Variants in C12orf54 observed in about 807,000 individuals in gnomAD.
The protein encoded by C12orf54 is uncharacterized protein C12orf54.
In C12orf54, 24 loss-of-function variants were observed where a neutral mutation model predicts 26.4. The ratio of observed to expected loss-of-function variants is 0.91; its 90% CI spans 0.66 to 1.28. C12orf54 has a LOEUF of 1.28. C12orf54 is among the 50% of genes most tolerant of loss of function. C12orf54 has a pLI of 0.00. For synonymous variants in C12orf54, 54 were observed against 47.0 expected (o/e 1.15, Z -0.61); for missense variants, 154 against 150.9 (o/e 1.02, Z -0.11).
the C12orf54 span, among the ~76,000 whole-genome samples, chr12:48,463,612 A>T: frequency 1.4e-5 from 2 of 145,524 alleles, no homozygotes; most frequent in African/African-American, 2.5e-5. Context: ...GACACAGTAT[A>T]AAAAAAAAAA....
chr12:48,429,693 A>G, the C12orf54 span, among the ~76,000 whole-genome samples: 1 of 152,218 alleles, frequency 6.6e-6, no homozygotes, highest in Non-Finnish European at 1.5e-5. Flanking sequence ...AACACATCCC[A>G]TGCTCATGGA....
At chr12:48,471,360 G>T in the C12orf54 span, among the ~76,000 whole-genome samples, 1 of 152,160 alleles carries the variant, frequency 6.6e-6, no homozygotes, top group East Asian at 1.9e-4. Flanking sequence ...TGGACATTTA[G>T]GTTGCTTCCA....
chr12:48,418,730 G>A, the C12orf54 span, among the ~76,000 whole-genome samples: 1 of 152,130 alleles, frequency 6.6e-6, no homozygotes, highest in African/African-American at 2.4e-5. Flanking sequence ...AAGGAATTCA[G>A]TTGGTGTTAT....
intron 5 of C12orf54, 46 bp downstream of exon 5, chr12:48,489,002 G>A (rs369170617): frequency 3.1e-5 from 49 of 1,572,968 alleles, no homozygotes; most frequent in Non-Finnish European, 4.2e-5. Flanking sequence ...CCCATCATGT[G>A]CCTTGATCCC....
the C12orf54 span, among the ~76,000 whole-genome samples, chr12:48,459,295 G>A: frequency 2.4e-4 from 36 of 152,242 alleles, no homozygotes; most frequent in East Asian, 6.0e-3. Flanking sequence ...CTGAGCACAC[G>A]GTGAGACGGA....
the C12orf54 span, among the ~76,000 whole-genome samples, chr12:48,418,425 T>C: frequency 1.3e-5 from 2 of 152,214 alleles, no homozygotes; most frequent in Non-Finnish European, 2.9e-5. Context: ...TGTGTGATTT[T>C]TCTCCAGTTT....
chr12:48,467,808 C>G, the C12orf54 span, among the ~76,000 whole-genome samples: 1 of 152,206 alleles, frequency 6.6e-6, no homozygotes, highest in East Asian at 1.9e-4. Context: ...AATTATACCT[C>G]AATAAAGTTC....
the C12orf54 span, among the ~76,000 whole-genome samples, chr12:48,430,161 G>A: frequency 6.6e-6 from 1 of 152,122 alleles, no homozygotes; most frequent in Non-Finnish European, 1.5e-5. Flanking sequence ...ACTCAAGATG[G>A]ATTAAAGAAT....
chr12:48,461,317 T>C, the C12orf54 span, among the ~76,000 whole-genome samples: 4 of 151,972 alleles, frequency 2.6e-5, no homozygotes, highest in Non-Finnish European at 2.9e-5. Context: ...ACCCCTTCAA[T>C]AATTGATACA....
chr12:48,472,447 G>A, the C12orf54 span, among the ~76,000 whole-genome samples: 1 of 152,184 alleles, frequency 6.6e-6, no homozygotes, highest in South Asian at 2.1e-4. Flanking sequence ...GAAAAATAGA[G>A]GAAGTAGTCA....
At chr12:48,445,358 C>T in the C12orf54 span, among the ~76,000 whole-genome samples, 1 of 151,830 alleles carries the variant, frequency 6.6e-6, no homozygotes, top group Non-Finnish European at 1.5e-5. Context: ...AGAATTTCAC[C>T]AACTGGACAG....
At chr12:48,489,442 T>TCTC in intron 5 of C12orf54, 10 of 257,358 alleles carry the variant, frequency 3.9e-5, no homozygotes, top group South Asian at 1.9e-4. Context: ...TCTCTCTCTC[T>TCTC]TTGAGACAGG....
the C12orf54 span, among the ~76,000 whole-genome samples, chr12:48,436,836 A>G: frequency 6.6e-6 from 1 of 152,222 alleles, no homozygotes; most frequent in Non-Finnish European, 1.5e-5. Context: ...TAATATCACA[A>G]TTAAAAGAAC....
the C12orf54 span, among the ~76,000 whole-genome samples, chr12:48,421,810 G>A: frequency 5.9e-5 from 9 of 152,268 alleles, no homozygotes; most frequent in East Asian, 1.5e-3. Flanking sequence ...GATTACAGGC[G>A]TGAGCCACTG....
At chr12:48,433,333 C>A in the C12orf54 span, among the ~76,000 whole-genome samples, 1 of 152,074 alleles carries the variant, frequency 6.6e-6, no homozygotes, top group Non-Finnish European at 1.5e-5. Context: ...ATTCAAAAAA[C>A]TATTTTGAAC....
At chr12:48,464,388 T>A in the C12orf54 span, among the ~76,000 whole-genome samples, 1 of 151,884 alleles carries the variant, frequency 6.6e-6, no homozygotes, top group Non-Finnish European at 1.5e-5. Flanking sequence ...ATCTCTACAA[T>A]GTGAATTACA....
upstream of C12orf54, among the ~76,000 whole-genome samples, chr12:48,481,432 C>G (rs984602317): frequency 6.6e-6 from 1 of 151,904 alleles, no homozygotes; most frequent in Non-Finnish European, 1.5e-5. Context: ...GAGAGAGTAA[C>G]CTCTAATCAG....
intron 7 of C12orf54, among the ~76,000 whole-genome samples, chr12:48,493,490 C>T (rs1181914431): frequency 6.6e-6 from 1 of 151,638 alleles, no homozygotes; most frequent in Admixed American, 6.6e-5. Flanking sequence ...TGTGGTGGTG[C>T]ATGCCTGTAG....
rs146846021 is a variant in C12orf54, at chr12:48,486,721, G to C, written c.130G>C (p.Asp44His). The C allele has an allele frequency of 5.3e-5, 85 of 1,612,984 alleles. No individual in the cohort carries two copies. The highest frequency in any genetic ancestry group is 6.9e-5 in the Non-Finnish European group (81 of 1,179,104). ...GGTAACCATCACTGAAACCCTGTGGGACCAGGTGAGTACAGAGGAATCATT... is the reference window on the plus strand; with the variant it reads ...GGTAACCATCACTGAAACCCTGTGGCACCAGGTGAGTACAGAGGAATCATT... Reference protein sequence around the residue: ...KQVTITETLWDQVLTVFKDIQ... With the variant: ...KQVTITETLWHQVLTVFKDIQ... Residue 44 changes from aspartate to histidine, a missense_variant, in exon 4 of 9, where the codon GAC becomes CAC. Asp to His is a moderately conservative substitution (Grantham distance 81, BLOSUM62 -1). Transcript: ENST00000548364.
Sources: allele counts gnomAD v4.1 joint callset (sites outside exome capture counted in the v4.1 genomes callset), GRCh38; gene constraint gnomAD v4.1.1; transcripts MANE v1.5; gene names NCBI Gene and HGNC (gene_info 2026-07-23, HGNC 2026-07-21).